The following KIF13B variants were observed in gnomAD, a reference collection of about 807,000 sequenced individuals.
The protein encoded by KIF13B is kinesin-like protein KIF13B.
A neutral mutation model predicts 222.0 loss-of-function variants in KIF13B; 127 were observed. The ratio of observed to expected loss-of-function variants is 0.57; its 90% CI spans 0.50 to 0.66. The LOEUF is 0.66. Ranked by LOEUF, KIF13B falls within the 30% of genes least tolerant of loss-of-function variation. The probability of loss-of-function intolerance (pLI) is 0.00; values close to 1 mark genes in which losing one functional copy is unlikely to be tolerated. For synonymous variants in KIF13B, 976 were observed against 919.0 expected (o/e 1.06, Z -1.12); for missense variants, 2,173 against 2,379.0 (o/e 0.91, Z 1.80).
intron 5 of KIF13B, 68 bp from the exon 6 acceptor site, chr8:29,186,540 T>C: frequency 7.5e-7 from 1 of 1,330,990 alleles, no homozygotes. Flanking sequence ...CTCTTTCCGT[T>C]GCTCATAATA....
chr8:29,246,908 A>C (rs909270941), intron 1 of KIF13B, among the ~76,000 whole-genome samples: 1 of 152,244 alleles, frequency 6.6e-6, no homozygotes, highest in Non-Finnish European at 1.5e-5. Context: ...CAAAAGAATG[A>C]AGTTGGATCC....
At chr8:29,139,631 T>C (rs1232114455) in intron 21 of KIF13B, among the ~76,000 whole-genome samples, 1 of 152,174 alleles carries the variant, frequency 6.6e-6, no homozygotes, top group African/African-American at 2.4e-5. Flanking sequence ...ATTCTAGAGA[T>C]GTTTACTGGG....
In KIF13B at chr8:29,072,067, G is replaced by C; in HGVS notation, c.4771C>G (p.Pro1591Ala). 1 of 1,315,960 alleles carries C rather than the reference G, an allele frequency of 7.6e-7. No individual in the cohort carries two copies. Among genetic ancestry groups the C allele is most frequent in the Non-Finnish European group, 9.7e-7 (1 of 1,031,680 alleles). The allele number at this position is 1,315,960 out of a possible 1,614,324, so 81.5% of individuals were successfully genotyped here. Residue 1591 changes from proline (P) to alanine (A), a missense_variant, in exon 39 of 40, where the codon CCG becomes GCG. Pro to Ala is a conservative substitution (Grantham distance 27). Around this residue, in one of 2 missense-constraint regions of KIF13B, gnomAD observed 693 missense variants for 656.2 expected, o/e 1.06. Coordinates refer to ENST00000524189, the MANE Select transcript of KIF13B (RefSeq NM_015254.4). ...ALGPGLDAAA[P>A]PGSMPTAPEA... ...GGGGCGGTGGGCATGGACCCCGGCG[G>C]GGCCGCAGCGTCCAGGCCGGGGCCC...
At position 29,127,290 on chromosome 8, in the gene KIF13B, G is replaced by A. The variant is rs894802944; in HGVS notation, c.3076-22C>T. 5.0e-6 allele frequency: 8 copies of A among 1,605,936 alleles called. No homozygotes were observed. In the African/African-American group the frequency reaches 9.4e-5, roughly 19 times the overall value. The stretch of plus-strand genomic sequence containing the variant: ...GCCCCTGGGTCACAGACAATTTAGA[G>A]TCTTAAAATCAGTGTCTTGATTTCC... On this transcript the variant is annotated intron_variant, in intron 24 of 39. Coordinates refer to ENST00000524189, the MANE Select transcript of KIF13B (RefSeq NM_015254.4).
chr8:29,245,255 C>A, intron 2 of KIF13B, 91 bp downstream of exon 2: 1 of 834,554 alleles, frequency 1.2e-6, no homozygotes, highest in South Asian at 1.5e-5. Context: ...GGTAGGCATT[C>A]GATATCTATT....
intron 20 of KIF13B, 64 bp downstream of exon 20, chr8:29,140,404 A>G: frequency 6.5e-7 from 1 of 1,534,606 alleles, no homozygotes; most frequent in Non-Finnish European, 8.9e-7. Flanking sequence ...ACAATATCCC[A>G]TCACCACCCT....
At chr8:29,095,107 T>G (rs951272763) in intron 36 of KIF13B, among the ~76,000 whole-genome samples, 3 of 152,176 alleles carry the variant, frequency 2.0e-5, no homozygotes, top group African/African-American at 7.2e-5. Context: ...GTCTAAACAT[T>G]TCTCACGATT....
Position 29,262,168 on chromosome 8 carries a change from C to A in KIF13B, c.55+812G>T, listed in dbSNP as rs147506976. On this transcript the variant is annotated intron_variant, in intron 1 of 39. Transcript: ENST00000524189. ...ACTATCAAAGCCAAGACCCAGCCCACCTCCTCCCCTGACTTTTGGGGTTCT... is the reference window on the plus strand; with the variant it reads ...ACTATCAAAGCCAAGACCCAGCCCAACTCCTCCCCTGACTTTTGGGGTTCT... 1.8e-3 allele frequency among the ~76,000 whole-genome samples: 279 copies of A among 152,290 alleles called. 1 individual carries two copies. Among genetic ancestry groups the A allele is most frequent in the African/African-American group, 6.4e-3 (265 of 41,578 alleles).
chr8:29,194,162 T>A (rs1053111439), intron 3 of KIF13B, among the ~76,000 whole-genome samples: 4 of 151,968 alleles, frequency 2.6e-5, no homozygotes, highest in African/African-American at 9.7e-5. Context: ...TTTTTCATAG[T>A]TTTTTAAAAA....
At chr8:29,131,327 T>C (rs369506908) in intron 23 of KIF13B, among the ~76,000 whole-genome samples, 2 of 150,856 alleles carry the variant, frequency 1.3e-5, no homozygotes, top group Admixed American at 1.3e-4. Flanking sequence ...CTAAAATAAT[T>C]TGAAACTATT....
rs754720995 is a variant in KIF13B, at chr8:29,188,509, C to T, written c.316+6G>A. On this transcript the variant is annotated splice_donor_region_variant and intron_variant, in intron 5 of 39. Coordinates refer to ENST00000524189, the MANE Select transcript of KIF13B (RefSeq NM_015254.4). ...GTTTATGTGATTTCATGTTATTTAA[C>T]ATTACCAGTCTGTCCATAGGCAAAG... The T allele has an allele frequency of 6.5e-7, 1 of 1,536,368 alleles. No individual in the cohort carries two copies. The highest frequency in any genetic ancestry group is 9.0e-7 in the Non-Finnish European group (1 of 1,115,924).
chr8:29,150,338 G>T lies in KIF13B; in HGVS notation c.1581C>A (p.His527Gln). ...TTCCCCATAATATCCTGTCCCCATG[G>T]TGTAGCTGTATTGGACTGGAGACAG... is the stretch of plus-strand genomic sequence containing the variant. The part of the protein sequence containing the change: ...GSSVSSPIQL[H>Q]HGDRILWGNN... The change falls in exon 15 of 40, where the codon CAC (histidine) becomes CAA (glutamine). Residue 527 changes from histidine (H) to glutamine (Q), a missense_variant. Physicochemically the swap from His to Gln is conservative, Grantham distance 24 (BLOSUM62 0). Around this residue, in one of 2 missense-constraint regions of KIF13B, gnomAD observed 1,480 missense variants for 1,722.8 expected, o/e 0.86. Transcript: ENST00000524189. The T allele has an allele frequency of 6.3e-7, 1 of 1,595,834 alleles. No homozygotes were observed. Among genetic ancestry groups the T allele is most frequent in the Non-Finnish European group, 8.6e-7 (1 of 1,165,890 alleles).
intron 36 of KIF13B, among the ~76,000 whole-genome samples, chr8:29,096,722 C>T (rs1808549937): frequency 1.3e-5 from 2 of 152,172 alleles, no homozygotes; most frequent in South Asian, 4.2e-4. Flanking sequence ...TGCATGGTTC[C>T]TGTATTTGTG....
chr8:29,093,294 C>T (rs1808381716), intron 36 of KIF13B, among the ~76,000 whole-genome samples: 1 of 152,086 alleles, frequency 6.6e-6, no homozygotes. Flanking sequence ...ATGTCTTATT[C>T]AATCTAATTT....
intron 35 of KIF13B, among the ~76,000 whole-genome samples, chr8:29,099,536 G>A (rs1018252892): frequency 7.9e-5 from 12 of 152,010 alleles, no homozygotes; most frequent in Admixed American, 5.2e-4. Flanking sequence ...CACCACATGA[G>A]GCTAATCTTT....
chr8:29,077,412 G>A (rs1050921348), intron 37 of KIF13B, among the ~76,000 whole-genome samples: 2 of 152,214 alleles, frequency 1.3e-5, no homozygotes, highest in African/African-American at 4.8e-5. Context: ...AGTATTTAAC[G>A]TCCCCACAAA....
chr8:29,182,116 G>A, intron 6 of KIF13B, 110 bp from the exon 7 acceptor site: 2 of 708,544 alleles, frequency 2.8e-6, no homozygotes, highest in East Asian at 2.8e-5. Flanking sequence ...CCCCAAATAA[G>A]TAAAACCAAC....
At chr8:29,143,850 AT>A (rs1327169375) in intron 18 of KIF13B, among the ~76,000 whole-genome samples, 3 of 149,018 alleles carry the variant, frequency 2.0e-5, no homozygotes, top group African/African-American at 5.0e-5. Flanking sequence ...CTCAAAAAAA[AT>A]AATAATAATA....
intron 2 of KIF13B, among the ~76,000 whole-genome samples, chr8:29,200,401 A>C (rs923329435): frequency 2.0e-5 from 3 of 152,224 alleles, no homozygotes; most frequent in African/African-American, 7.2e-5. Flanking sequence ...GAAATGTCTC[A>C]AGTACAAGCA....
Sources: allele counts gnomAD v4.1 joint callset (sites outside exome capture counted in the v4.1 genomes callset), GRCh38; gene constraint gnomAD v4.1.1; regional missense constraint gnomAD v4.1.1; transcripts MANE v1.5; gene names NCBI Gene and HGNC (gene_info 2026-07-23, HGNC 2026-07-21).